Variants in MAK16 observed in about 807,000 individuals in gnomAD.
MAK16 encodes protein MAK16 homolog.
Under a neutral mutation model 49.9 loss-of-function variants are expected in MAK16, and 12 were observed. The observed-to-expected ratio is 0.24, with a 90% CI of 0.15 to 0.39. The LOEUF is 0.39. Ranked by LOEUF, MAK16 falls within the 10% of genes least tolerant of loss-of-function variation. The pLI, the probability that MAK16 is intolerant of heterozygous loss-of-function variation, is 1.00. For synonymous variants in MAK16, 115 were observed against 126.4 expected, an observed-to-expected ratio of 0.91 and a Z score of 0.60; for missense variants, 292 against 363.7, an observed-to-expected ratio of 0.80 and a Z score of 1.60.
rs1399173762 is a variant in MAK16, at chr8:33,500,255, A to G, written c.*1626A>G. ...AGACTTGGTCAGGCACATACATAGTAAATTATAATCAATCATGGGAATTAC... is the reference window on the plus strand; with the variant it reads ...AGACTTGGTCAGGCACATACATAGTGAATTATAATCAATCATGGGAATTAC... On this transcript the variant is annotated 3_prime_UTR_variant, in exon 10 of 10. Coordinates refer to ENST00000360128, the MANE Select transcript of MAK16 (RefSeq NM_032509.4). The G allele has an allele frequency of 6.3e-7, 1 of 1,579,788 alleles. No homozygotes were observed. The highest frequency in any genetic ancestry group is 2.2e-5 in the East Asian group (1 of 44,640).
rs1809007643 is a variant in MAK16, at chr8:33,500,045, A to G, written c.*1416A>G. 1 of 259,426 alleles carries G rather than the reference A, an allele frequency of 3.9e-6. No individual in the cohort carries two copies. Among genetic ancestry groups the G allele is most frequent in the African/African-American group, 2.2e-5 (1 of 44,640 alleles). The allele number at this position is 259,426 out of a possible 1,614,324, so 16.1% of individuals were successfully genotyped here. On this transcript the variant is annotated 3_prime_UTR_variant, in exon 10 of 10. Transcript: ENST00000360128. Reference sequence around the variant, plus strand: ...ACTAGAACAGAACTTAAATTTTACAAACTTTTGATCATAATGCTTTTGCCC... The same window carrying G: ...ACTAGAACAGAACTTAAATTTTACAGACTTTTGATCATAATGCTTTTGCCC...
Position 33,498,854 on chromosome 8 carries a change from A to C in MAK16, c.*225A>C. 1.7e-6 allele frequency: 1 copy of C among 592,020 alleles called. No homozygotes were observed. Among genetic ancestry groups the C allele is most frequent in the East Asian group, 2.8e-5 (1 of 35,392 alleles). The allele number at this position is 592,020 out of a possible 1,614,324, so 36.7% of individuals were successfully genotyped here. On this transcript the variant is annotated 3_prime_UTR_variant, in exon 10 of 10. Coordinates refer to ENST00000360128, the MANE Select transcript of MAK16 (RefSeq NM_032509.4). Reference sequence around the variant, plus strand: ...GTTTTTATAGCATATGTGTTGAAGTAACAGCTTGTGCCCGAGAAACTTAAC... The same window carrying C: ...GTTTTTATAGCATATGTGTTGAAGTCACAGCTTGTGCCCGAGAAACTTAAC...
intron 8 of MAK16, 72 bp downstream of exon 8, chr8:33,496,813 T>G (rs1220304357): frequency 1.8e-6 from 2 of 1,141,504 alleles, no homozygotes; most frequent in East Asian, 5.2e-5. Context: ...GAATATCATC[T>G]TCAGTCCGCT....
At chr8:33,497,081 A>G (rs1421522369) in intron 8 of MAK16, 151 bp from the exon 9 acceptor site, 4 of 582,936 alleles carry the variant, frequency 6.9e-6, no homozygotes, top group South Asian at 2.9e-5. Context: ...AAAATTTTTA[A>G]AATTCAGAAG....
chr8:33,491,790 T>C (rs940456700), intron 6 of MAK16, among the ~76,000 whole-genome samples: 1 of 151,434 alleles, frequency 6.6e-6, no homozygotes, highest in Non-Finnish European at 1.5e-5. Context: ...CATGCCACCA[T>C]GCCTGGCTAA....
rs758964418 is a variant in MAK16 at position 33,495,497 on chromosome 8, A to G, written c.448-45A>G. ...TTCTTCCATTTTTATAAGATGAGTAATGAGCACTGATGAATTAAACAGATT... is the reference window on the plus strand; with the variant it reads ...TTCTTCCATTTTTATAAGATGAGTAGTGAGCACTGATGAATTAAACAGATT... On this transcript the variant is annotated intron_variant, in intron 6 of 9. Coordinates refer to ENST00000360128, the MANE Select transcript of MAK16 (RefSeq NM_032509.4). 17 of 1,489,010 alleles carry G rather than the reference A, an allele frequency of 1.1e-5. No homozygotes were observed. In the African/African-American group the frequency reaches 1.8e-4, roughly 16 times the overall value. The allele number at this position is 1,489,010 out of a possible 1,614,324, so 92.2% of individuals were successfully genotyped here. A position where few individuals can be genotyped will look rare whatever the true frequency, so the allele number is the denominator to read the frequency against.
At chr8:33,494,523 G>A (rs1808825701) in intron 6 of MAK16, among the ~76,000 whole-genome samples, 1 of 152,152 alleles carries the variant, frequency 6.6e-6, no homozygotes, top group African/African-American at 2.4e-5. Flanking sequence ...AAATAAACAA[G>A]TGAGACCACC....
At chr8:33,487,882 T>C (rs1293344349) in intron 1 of MAK16, among the ~76,000 whole-genome samples, 1 of 152,224 alleles carries the variant, frequency 6.6e-6, no homozygotes, top group Non-Finnish European at 1.5e-5. Flanking sequence ...TGATTATTGC[T>C]CATCTGTATT....
In MAK16 at chr8:33,497,281, A is replaced by T. The variant is rs1808879672; in HGVS notation, c.689A>T (p.Asp230Val). ...FVEDGEVDESDISDFEDMDKL... is the reference protein window; with the variant it reads ...FVEDGEVDESVISDFEDMDKL... Reference sequence around the variant, plus strand: ...GAAGATGGTGAGGTAGATGAGAGTGACATAAGTGATTTTGAGGTGAGCTTT... The same window carrying T: ...GAAGATGGTGAGGTAGATGAGAGTGTCATAAGTGATTTTGAGGTGAGCTTT... The change falls in exon 9 of 10, where the codon GAC (aspartate) becomes GTC (valine). Residue 230 changes from aspartate (D) to valine (V), a missense_variant. By Grantham distance (152) the Asp-to-Val change is radical (BLOSUM62 -3). Transcript: ENST00000360128. 2 of 1,609,804 alleles carry T rather than the reference A, an allele frequency of 1.2e-6. 1 individual carries two copies. The highest frequency in any genetic ancestry group is 2.2e-5 in the South Asian group (2 of 90,954).
At chr8:33,485,544 G>T in intron 1 of MAK16, 1 of 424,652 alleles carries the variant, frequency 2.4e-6, no homozygotes, top group Non-Finnish European at 4.3e-6. Context: ...TTGGGGTGGG[G>T]GGCGGCCCGG....
chr8:33,489,540 T>C lies in MAK16; in HGVS notation c.392+401T>C, dbSNP rs138430616. Among the ~76,000 whole-genome samples, 2,319 of 152,046 alleles carry C rather than the reference T, an allele frequency of 0.015. 73 individuals are homozygous for C. The highest frequency in any genetic ancestry group is 0.053 in the African/African-American group (2,186 of 41,484). On this transcript the variant is annotated intron_variant, in intron 5 of 9. Transcript: ENST00000360128. This position sits in a 1 kb window ranked among gnomAD's most constrained non-coding sequence, Gnocchi z 4.2. ...TACAGGCATGGACCACCATGCCTGG[T>C]TAATTTTTTTTGTATTTTTAGTAGA... is the stretch of plus-strand genomic sequence containing the variant.
At chr8:33,495,692 T>G in intron 7 of MAK16, 76 bp downstream of exon 7, 1 of 8,864 alleles carries the variant, frequency 1.1e-4, no homozygotes. Context: ...GGAATTTTTT[T>G]TTTTTTTTTT....
At chr8:33,493,840 A>G (rs1232011394) in intron 6 of MAK16, among the ~76,000 whole-genome samples, 8 of 152,076 alleles carry the variant, frequency 5.3e-5, no homozygotes, top group Admixed American at 1.3e-4. Context: ...TGTGATTGCA[A>G]TTTTTATAGG....
rs1808843399 is a variant in MAK16 at position 33,495,555 on chromosome 8, T to C, written c.461T>C (p.Ile154Thr). The stretch of plus-strand genomic sequence containing the variant: ...TCCCCCTTATAGGAAAAGGCATTAA[T>C]AGCTGCTCAGCTGGACAATGCCATT... ...REKRREEKAL[I>T]AAQLDNAIEK... Residue 154 changes from isoleucine to threonine, a missense_variant, in exon 7 of 10, where the codon ATA (isoleucine) becomes ACA (threonine). By Grantham distance (89) the Ile-to-Thr change is moderately conservative. Coordinates refer to ENST00000360128, the MANE Select transcript of MAK16 (RefSeq NM_032509.4). The C allele has an allele frequency of 6.2e-7, 1 of 1,613,576 alleles. No homozygotes were observed. The highest frequency in any genetic ancestry group is 1.3e-5 in the African/African-American group (1 of 74,912).
intron 6 of MAK16, among the ~76,000 whole-genome samples, chr8:33,494,324 C>G (rs11998310): frequency 1.0e-3 from 152 of 152,284 alleles, no homozygotes; most frequent in African/African-American, 3.5e-3. Context: ...ATCTGCCCAC[C>G]TCGACCTCTC....
intron 1 of MAK16, among the ~76,000 whole-genome samples, chr8:33,487,672 C>G (rs915138856): frequency 4.6e-5 from 5 of 109,622 alleles, no homozygotes; most frequent in African/African-American, 1.5e-4. Flanking sequence ...ATCCGCCTGC[C>G]TTGGCACTCA....
In MAK16 at chr8:33,498,602, G is replaced by A. The variant is rs1585318947; in HGVS notation, c.876G>A (p.Glu292=). ...AAATAGAATACGAGCAGGAGACAGA[G>A]CCCGTGGCCAAAGCCAAAACCACGT... is the stretch of plus-strand genomic sequence containing the variant. ...YVEIEYEQET[E]PVAKAKTT The change falls in exon 10 of 10, where the codon GAG becomes GAA. Residue 292 remains glutamate, a synonymous_variant. Coordinates refer to ENST00000360128, the MANE Select transcript of MAK16 (RefSeq NM_032509.4). 2 of 1,613,562 alleles carry A rather than the reference G, an allele frequency of 1.2e-6. No individual in the cohort carries two copies. Among genetic ancestry groups the A allele is most frequent in the East Asian group, 2.2e-5 (1 of 44,852 alleles).
At chr8:33,491,341 T>C (rs1394800644) in intron 6 of MAK16, among the ~76,000 whole-genome samples, 1 of 152,198 alleles carries the variant, frequency 6.6e-6, no homozygotes, top group Non-Finnish European at 1.5e-5. Flanking sequence ...TTTTAGTTTT[T>C]TGAGGAAGCT....
At chr8:33,497,878 A>G (rs1808902013) in intron 9 of MAK16, among the ~76,000 whole-genome samples, 1 of 150,506 alleles carries the variant, frequency 6.6e-6, no homozygotes, top group African/African-American at 2.4e-5. Flanking sequence ...GGCGGATCAC[A>G]TGAGGTCAGG....
Sources: allele counts gnomAD v4.1 joint callset (sites outside exome capture counted in the v4.1 genomes callset), GRCh38; gene constraint gnomAD v4.1.1; non-coding constraint Gnocchi (gnomAD v3.1); transcripts MANE v1.5; gene names NCBI Gene and HGNC (gene_info 2026-07-23, HGNC 2026-07-21).